The following NPAS3 variants were observed in gnomAD, a reference collection of about 807,000 sequenced individuals.
NPAS3 encodes neuronal PAS domain protein 3, also known as neuronal PAS domain-containing protein 3.
Under a neutral mutation model 73.1 loss-of-function variants are expected in NPAS3, and 14 were observed. The ratio of observed to expected loss-of-function variants is 0.19; its 90% CI spans 0.13 to 0.30. The LOEUF (loss-of-function observed/expected upper bound fraction) is 0.30. Among genes scored for constraint, NPAS3 ranks in the 10% least tolerant of loss-of-function variants. The pLI is 1.00. For synonymous variants in NPAS3, 620 were observed against 541.5 expected (o/e 1.14, Z -2.01); for missense variants, 1,096 against 1,250.0 (o/e 0.88, Z 1.86).
intron 6 of NPAS3, among the ~76,000 whole-genome samples, chr14:33,711,204 A>G (rs897503453): frequency 5.3e-5 from 8 of 152,214 alleles, no homozygotes; most frequent in Non-Finnish European, 8.8e-5. Flanking sequence ...AATTAATGTG[A>G]TTTTAATAAC....
chr14:33,359,644 C>A (rs1286977120), intron 3 of NPAS3, among the ~76,000 whole-genome samples: 1 of 152,064 alleles, frequency 6.6e-6, no homozygotes, highest in Non-Finnish European at 1.5e-5. Flanking sequence ...CAAATCTAAC[C>A]CTTATTAAAA....
chr14:33,647,290 C>CTCTATA (rs1555427796), intron 5 of NPAS3, among the ~76,000 whole-genome samples: 45 of 147,502 alleles, frequency 3.1e-4, no homozygotes, highest in African/African-American at 1.1e-3. Context: ...CTCTCTCTCT[C>CTCTATA]TATATATATA....
At chr14:33,120,532 G>A (rs557773109) in intron 2 of NPAS3, among the ~76,000 whole-genome samples, 1 of 152,122 alleles carries the variant, frequency 6.6e-6, no homozygotes, top group East Asian at 1.9e-4. Flanking sequence ...AACCAACAGC[G>A]ATGTTCAAGT....
rs143882885 is a variant in NPAS3 at position 33,183,298 on chromosome 14, C to T, written c.141-31884C>T. Among the ~76,000 whole-genome samples the T allele has an allele frequency of 1.6e-3, 237 of 151,896 alleles. 1 individual carries two copies. The highest frequency in any genetic ancestry group is 4.7e-3 in the African/African-American group (193 of 41,394). ...AAAATTAACTGGGCATGGTGGTGGGCGCCTGTAATCCCAGCTACTTGGGGG... is the reference window on the plus strand; with the variant it reads ...AAAATTAACTGGGCATGGTGGTGGGTGCCTGTAATCCCAGCTACTTGGGGG... On this transcript the variant is annotated intron_variant, in intron 2 of 11. Coordinates refer to ENST00000356141, the Ensembl canonical transcript of NPAS3.
At chr14:33,246,533 A>G (rs1236844098) in intron 3 of NPAS3, among the ~76,000 whole-genome samples, 2 of 71,992 alleles carry the variant, frequency 2.8e-5, no homozygotes, top group African/African-American at 4.9e-5. Flanking sequence ...GCGAGACTTC[A>G]TCTCAAAAAA....
intron 1 of NPAS3, among the ~76,000 whole-genome samples, chr14:32,952,422 T>C (rs958288055): frequency 5.9e-5 from 9 of 152,038 alleles, no homozygotes; most frequent in Non-Finnish European, 1.5e-5. Context: ...GGGTGAACTT[T>C]ATTTGAATTT....
chr14:33,134,184 T>C (rs2043747396), intron 2 of NPAS3, among the ~76,000 whole-genome samples: 2 of 152,138 alleles, frequency 1.3e-5, no homozygotes, highest in Non-Finnish European at 2.9e-5. Flanking sequence ...GATTTTCTTC[T>C]TGGGAATTTA....
At chr14:33,602,215 A>G (rs1470417606) in intron 5 of NPAS3, among the ~76,000 whole-genome samples, 1 of 152,218 alleles carries the variant, frequency 6.6e-6, no homozygotes, top group African/African-American at 2.4e-5. Context: ...TGAGTGTGAA[A>G]AAAGCAGGCA....
intron 3 of NPAS3, among the ~76,000 whole-genome samples, chr14:33,268,546 T>A (rs2040923915): frequency 6.6e-6 from 1 of 152,148 alleles, no homozygotes; most frequent in Non-Finnish European, 1.5e-5. Flanking sequence ...ATCTCTTTTT[T>A]TTGCATTCAA....
intron 2 of NPAS3, among the ~76,000 whole-genome samples, chr14:33,166,037 T>G (rs1248927165): frequency 6.6e-6 from 1 of 152,210 alleles, no homozygotes; most frequent in African/African-American, 2.4e-5. Flanking sequence ...GAGGATAGTC[T>G]GTGGTCTCCC....
intron 2 of NPAS3, among the ~76,000 whole-genome samples, chr14:33,142,249 T>C (rs2044081693): frequency 6.6e-6 from 1 of 150,978 alleles, no homozygotes; most frequent in African/African-American, 2.4e-5. Flanking sequence ...CTGGGATTTT[T>C]TTTCAGTACT....
chr14:33,763,319 C>T (rs2062356719), intron 7 of NPAS3, among the ~76,000 whole-genome samples: 1 of 152,140 alleles, frequency 6.6e-6, no homozygotes, highest in Admixed American at 6.5e-5. Flanking sequence ...ATTAAACAGC[C>T]TTTTAAAATA....
chr14:33,388,610 C>T (rs1323087766), intron 4 of NPAS3, among the ~76,000 whole-genome samples: 6 of 151,998 alleles, frequency 3.9e-5, no homozygotes, highest in African/African-American at 1.2e-4. Flanking sequence ...ACTTGAGGCT[C>T]GAGCTGGGCG....
At chr14:33,753,930 C>T (rs1208984636) in intron 7 of NPAS3, among the ~76,000 whole-genome samples, 1 of 152,108 alleles carries the variant, frequency 6.6e-6, no homozygotes. Context: ...GCTTAAGGGA[C>T]CCTCAGCACA....
intron 4 of NPAS3, among the ~76,000 whole-genome samples, chr14:33,433,685 CAG>C (rs1005527267): frequency 6.6e-6 from 1 of 152,136 alleles, no homozygotes; most frequent in African/African-American, 2.4e-5. Context: ...TATTATGAAA[CAG>C]AAGTCATAAG....
intron 1 of NPAS3, among the ~76,000 whole-genome samples, chr14:32,943,701 T>C (rs892468296): frequency 2.0e-5 from 3 of 150,666 alleles, no homozygotes; most frequent in African/African-American, 4.9e-5. Context: ...TTCTTTTTTT[T>C]TTTTTTTTTA....
intron 3 of NPAS3, among the ~76,000 whole-genome samples, chr14:33,321,404 A>G (rs1024459234): frequency 1.3e-5 from 2 of 152,078 alleles, no homozygotes; most frequent in African/African-American, 4.8e-5. Context: ...AACTCCTGAA[A>G]TAACCTGGGT....
intron 6 of NPAS3, among the ~76,000 whole-genome samples, chr14:33,729,269 A>G (rs1219500005): frequency 2.0e-5 from 3 of 152,206 alleles, no homozygotes; most frequent in Non-Finnish European, 4.4e-5. Flanking sequence ...AAATTCAACC[A>G]GTTATGGACA....
chr14:33,114,113 G>A (rs891915234), intron 2 of NPAS3, among the ~76,000 whole-genome samples: 1 of 152,066 alleles, frequency 6.6e-6, no homozygotes, highest in Non-Finnish European at 1.5e-5. Flanking sequence ...TTGACTTGCT[G>A]CAACCTCTGC....
Sources: allele counts gnomAD v4.1 joint callset (sites outside exome capture counted in the v4.1 genomes callset), GRCh38; gene constraint gnomAD v4.1.1; transcripts MANE v1.5; gene names NCBI Gene and HGNC (gene_info 2026-07-23, HGNC 2026-07-21).